SLC34A1: variants seen among roughly 807,000 people sequenced by gnomAD.
The protein encoded by SLC34A1 is solute carrier family 34 member 1.
In SLC34A1, 57 loss-of-function variants were observed where a neutral mutation model predicts 51.4. That is an observed-to-expected ratio of 1.11 (90% CI 0.90 to 1.38). The LOEUF (loss-of-function observed/expected upper bound fraction) is 1.38, where lower values mean the gene tolerates loss of function less well. Among genes scored for constraint, SLC34A1 ranks in the 40% most tolerant of loss-of-function variants. SLC34A1 has a pLI of 0.00. For missense variants in SLC34A1, 796 were observed against 835.6 expected, an observed-to-expected ratio of 0.95 and a Z score of 0.58; for synonymous variants, 368 against 358.0, an observed-to-expected ratio of 1.03 and a Z score of -0.32.
At position 177,385,848 on chromosome 5, in the gene SLC34A1, AG is replaced by A. The variant is rs762396727; in HGVS notation, c.109+1del. The A allele has an allele frequency of 6.2e-7, 1 of 1,613,408 alleles. No homozygotes were observed. The highest frequency in any genetic ancestry group is 8.5e-7 in the Non-Finnish European group (1 of 1,179,806). The part of the protein sequence containing the change: ...GTAFAYVPSP[Q>X]VLHRIPGTSA... ...GCCTTTGCCTACGTGCCCAGCCCTC[AG>A]GGTAAGTGCTGCTCCCACACCCTGG... On this transcript the variant is annotated frameshift_variant and splice_region_variant, in exon 2 of 13. Coordinates refer to ENST00000324417, the MANE Select transcript of SLC34A1 (RefSeq NM_003052.5). LOFTEE classifies it high-confidence loss of function.
At chr5:177,384,990 T>C (rs1488344510) in intron 1 of SLC34A1, among the ~76,000 whole-genome samples, 2 of 151,760 alleles carry the variant, frequency 1.3e-5, no homozygotes, top group African/African-American at 2.4e-5. Context: ...TCCACCCCAA[T>C]AGCCAAGACT....
chr5:177,394,073 G>A lies in SLC34A1; in HGVS notation c.1052G>A (p.Gly351Glu). ...ACTGGCCTACCGGACCTGGCTGTGG[G>A]GCTCATCCTGCTGGCAGGATCCCTG... ...VDTGLPDLAVGLILLAGSLVL... is the reference protein window; with the variant it reads ...VDTGLPDLAVELILLAGSLVL... Residue 351 changes from glycine to glutamate, a missense_variant, in exon 10 of 13, where the codon GGG (glycine) becomes GAG (glutamate). Physicochemically the swap from Gly to Glu is moderately conservative, Grantham distance 98 (BLOSUM62 -2). Coordinates refer to ENST00000324417, the MANE Select transcript of SLC34A1 (RefSeq NM_003052.5). 2 of 1,614,038 alleles carry A rather than the reference G, an allele frequency of 1.2e-6. No homozygotes were observed. Among genetic ancestry groups the A allele is most frequent in the Non-Finnish European group, 1.7e-6 (2 of 1,180,030 alleles).
rs1581645716 is a variant in SLC34A1 at position 177,394,170 on chromosome 5, G to C, written c.1149G>C (p.Lys383Asn). 6.2e-7 allele frequency: 1 copy of C among 1,614,026 alleles called. No individual in the cohort carries two copies. Among genetic ancestry groups the C allele is most frequent in the Non-Finnish European group, 8.5e-7 (1 of 1,180,036 alleles). The change falls in exon 10 of 13, where the codon AAG becomes AAC. Residue 383 changes from lysine (K) to asparagine (N), a missense_variant. Physicochemically the swap from Lys to Asn is moderately conservative, Grantham distance 94. Transcript: ENST00000324417. ...CCCTGCTCAAGGGCCAAGTGGCCAA[G>C]GTCATCCAGAAGGTCATCAATACGG... is the stretch of plus-strand genomic sequence containing the variant. Reference protein sequence around the residue: ...LNSLLKGQVAKVIQKVINTDF... With the variant: ...LNSLLKGQVANVIQKVINTDF...
intron 8 of SLC34A1, chr5:177,389,525 C>T (rs979857662): frequency 2.3e-5 from 32 of 1,365,416 alleles, no homozygotes; most frequent in South Asian, 1.1e-4. Flanking sequence ...AAAACCCCTG[C>T]GGGCAGCTTT....
intron 10 of SLC34A1, among the ~76,000 whole-genome samples, chr5:177,395,511 G>T (rs6862195): frequency 0.29 from 44,231 of 152,014 alleles, 6,780 homozygotes; most frequent in Middle Eastern, 0.36. Context: ...GGTCAGTGAG[G>T]TGGCACGGAA....
chr5:177,395,518 G>A (rs1347110013), intron 10 of SLC34A1, among the ~76,000 whole-genome samples: 4 of 152,190 alleles, frequency 2.6e-5, no homozygotes, highest in Non-Finnish European at 4.4e-5. Flanking sequence ...GAGGTGGCAC[G>A]GAAGGGGCCA....
intron 12 of SLC34A1, 154 bp from the exon 13 acceptor site, chr5:177,397,629 C>T (rs187399305): frequency 5.4e-6 from 5 of 933,394 alleles, no homozygotes; most frequent in African/African-American, 1.6e-5. Context: ...ATAGCCACCT[C>T]GGGGTGATCT....
chr5:177,387,351 T>C (rs79401284), intron 5 of SLC34A1, among the ~76,000 whole-genome samples: 60 of 152,038 alleles, frequency 3.9e-4, no homozygotes, highest in Non-Finnish European at 6.6e-4. Flanking sequence ...GCCGAGATCA[T>C]GCCACTGCAC....
At position 177,386,480 on chromosome 5, in the gene SLC34A1, G is replaced by GGCTGGTGGTGGGGATCCTGGTGACCGT. The variant is rs777543926; in HGVS notation, c.454_480dup (p.Val152_Val160dup). 117 of 1,614,048 alleles carry GGCTGGTGGTGGGGATCCTGGTGACCGT rather than the reference G, an allele frequency of 7.2e-5. No individual in the cohort carries two copies. Among genetic ancestry groups the GGCTGGTGGTGGGGATCCTGGTGACCGT allele is most frequent in the Non-Finnish European group, 8.6e-5 (101 of 1,180,026 alleles). On this transcript the variant is annotated inframe_insertion, in exon 5 of 13. Transcript: ENST00000324417. This position sits in a 1 kb window ranked among gnomAD's most constrained non-coding sequence, Gnocchi z 4.8. ...GCCATCCTGTCCAACCCGGTGGCCG[G>GGCTGGTGGTGGGGATCCTGGTGACCGT]GCTGGTGGTGGGGATCCTGGTGACC...
Position 177,398,289 on chromosome 5 carries a change from T to C in SLC34A1, c.*3T>C, listed in dbSNP as rs200226606. Reference sequence around the variant, plus strand: ...ACCACAATGCCACCCGCCTCTAGGCTGTGGGCCCAGACTACAGCCTGGAAT... The same window carrying C: ...ACCACAATGCCACCCGCCTCTAGGCCGTGGGCCCAGACTACAGCCTGGAAT... On this transcript the variant is annotated 3_prime_UTR_variant, in exon 13 of 13. Coordinates refer to ENST00000324417, the MANE Select transcript of SLC34A1 (RefSeq NM_003052.5). This position sits in a 1 kb window ranked among gnomAD's most constrained non-coding sequence, Gnocchi z 4.7. The C allele has an allele frequency of 3.8e-6, 6 of 1,599,196 alleles. No homozygotes were observed. Among genetic ancestry groups the C allele is most frequent in the Non-Finnish European group, 5.1e-6 (6 of 1,179,928 alleles).
intron 5 of SLC34A1, among the ~76,000 whole-genome samples, chr5:177,387,535 A>G (rs1762629401): frequency 6.6e-6 from 1 of 152,208 alleles, no homozygotes; most frequent in South Asian, 2.1e-4. Flanking sequence ...TCACATCCAT[A>G]CACCATGTGC....
chr5:177,389,706 C>T, intron 8 of SLC34A1: 1 of 1,537,292 alleles, frequency 6.5e-7, no homozygotes. Flanking sequence ...GAAGACAGCT[C>T]TGTTCCTCAC....
Position 177,394,167 on chromosome 5 carries a change from CAAGGTCATCCAG to C in SLC34A1, c.1156_1167del (p.Gln386_Ile389del). 3 of 1,614,020 alleles carry C rather than the reference CAAGGTCATCCAG, an allele frequency of 1.9e-6. No homozygotes were observed. Among genetic ancestry groups the C allele is most frequent in the Non-Finnish European group, 2.5e-6 (3 of 1,180,030 alleles). Reference sequence around the variant, plus strand: ...ACTCCCTGCTCAAGGGCCAAGTGGCCAAGGTCATCCAGAAGGTCATCAATACGGGTGAGCTGC... The same window carrying C: ...ACTCCCTGCTCAAGGGCCAAGTGGCCAAGGTCATCAATACGGGTGAGCTGC... On this transcript the variant is annotated inframe_deletion, in exon 10 of 13. Coordinates refer to ENST00000324417, the MANE Select transcript of SLC34A1 (RefSeq NM_003052.5).
Position 177,386,495 on chromosome 5 carries a change from T to C in SLC34A1, c.461T>C (p.Ile154Thr). The C allele has an allele frequency of 6.2e-7, 1 of 1,614,188 alleles. No homozygotes were observed. Among genetic ancestry groups the C allele is most frequent in the Non-Finnish European group, 8.5e-7 (1 of 1,180,030 alleles). ...CCGGTGGCCGGGCTGGTGGTGGGGATCCTGGTGACCGTGCTGGTGCAGAGC... is the reference window on the plus strand; with the variant it reads ...CCGGTGGCCGGGCTGGTGGTGGGGACCCTGGTGACCGTGCTGGTGCAGAGC... ...SNPVAGLVVG[I>T]LVTVLVQSSS... Residue 154 changes from isoleucine (I) to threonine (T), a missense_variant, in exon 5 of 13, where the codon ATC becomes ACC. Transcript: ENST00000324417. This position sits in a 1 kb window ranked among gnomAD's most constrained non-coding sequence, Gnocchi z 4.8.
intron 8 of SLC34A1, among the ~76,000 whole-genome samples, chr5:177,392,118 G>A (rs1762826589): frequency 6.6e-6 from 1 of 152,226 alleles, no homozygotes; most frequent in South Asian, 2.1e-4. Context: ...CCCCATTCAA[G>A]GGAGCACATC....
Position 177,396,930 on chromosome 5 carries a change from T to C in SLC34A1, c.1292-20T>C, listed in dbSNP as rs376996070. The C allele has an allele frequency of 2.5e-6, 4 of 1,614,094 alleles. No homozygotes were observed. In the East Asian group the frequency reaches 6.7e-5, roughly 27 times the overall value. ...CGAAGGAGACGCTGGGGGTCCCACTTCCTCTCCCTCTGTCCCCAGGTCTTG... is the reference window on the plus strand; with the variant it reads ...CGAAGGAGACGCTGGGGGTCCCACTCCCTCTCCCTCTGTCCCCAGGTCTTG... On this transcript the variant is annotated intron_variant, in intron 11 of 12. Coordinates refer to ENST00000324417, the MANE Select transcript of SLC34A1 (RefSeq NM_003052.5). This position sits in a 1 kb window ranked among gnomAD's most constrained non-coding sequence, Gnocchi z 4.0.
At chr5:177,395,597 C>T (rs994417982) in intron 10 of SLC34A1, among the ~76,000 whole-genome samples, 3 of 152,080 alleles carry the variant, frequency 2.0e-5, no homozygotes, top group Non-Finnish European at 4.4e-5. Context: ...ACTCAGAAGA[C>T]TTGGGGTAAG....
intron 8 of SLC34A1, chr5:177,389,661 TCA>T (rs1165577150): frequency 1.3e-6 from 2 of 1,537,068 alleles, no homozygotes; most frequent in Non-Finnish European, 1.7e-6. Context: ...GGGAGAGAAA[TCA>T]CACACTTTGA....
intron 1 of SLC34A1, 129 bp from the exon 2 acceptor site, chr5:177,385,566 G>GGT (rs1302964845): frequency 2.7e-5 from 18 of 659,022 alleles, no homozygotes; most frequent in Admixed American, 4.2e-5. Flanking sequence ...GTCTCGGAGG[G>GGT]GTGTGTGTGT....
Sources: gnomAD v4.1 joint callset for allele counts (sites outside exome capture counted in the v4.1 genomes callset) on GRCh38, gnomAD v4.1.1 for gene constraint, Gnocchi (gnomAD v3.1) non-coding constraint, MANE v1.5 for transcripts, NCBI Gene and HGNC (gene_info 2026-07-23, HGNC 2026-07-21) for gene names.